Variants in VRK1 observed in about 807,000 individuals in gnomAD.
VRK1 encodes the protein VRK serine/threonine kinase 1, also known as serine/threonine-protein kinase VRK1.
In VRK1, 33 loss-of-function variants were observed where a neutral mutation model predicts 57.1. That is an observed-to-expected ratio of 0.58 (90% CI 0.44 to 0.77). The LOEUF (loss-of-function observed/expected upper bound fraction) is 0.77. VRK1 is among the 30% of genes least tolerant of loss of function. VRK1 has a pLI of 0.00. For missense variants in VRK1, 413 were observed against 477.3 expected (o/e 0.87, Z 1.25); for synonymous variants, 137 against 147.8 (o/e 0.93, Z 0.53).
intron 1 of VRK1, among the ~76,000 whole-genome samples, chr14:96,817,243 AT>A (rs1384708330): frequency 1.3e-5 from 2 of 151,912 alleles, no homozygotes; most frequent in African/African-American, 4.8e-5. Flanking sequence ...GCCTCTTCAT[AT>A]TCTTCCATTT....
chr14:96,865,576 A>G (rs1287948309), intron 11 of VRK1, among the ~76,000 whole-genome samples: 1 of 152,206 alleles, frequency 6.6e-6, no homozygotes, highest in East Asian at 1.9e-4. Flanking sequence ...GATTTTGACT[A>G]AAGTTGACTT....
At chr14:96,869,791 C>T (rs1888742078) in intron 11 of VRK1, among the ~76,000 whole-genome samples, 2 of 151,818 alleles carry the variant, frequency 1.3e-5, no homozygotes, top group East Asian at 1.9e-4. Flanking sequence ...TTTCTGCCTG[C>T]GTGTTTAGGA....
intron 10 of VRK1, 45 bp from the exon 11 acceptor site, chr14:96,860,508 TAGAG>T (rs746170419): frequency 3.1e-5 from 48 of 1,543,166 alleles, no homozygotes; most frequent in Non-Finnish European, 4.1e-5. Flanking sequence ...TTTTAGAGGT[TAGAG>T]AGAAATATAT....
At chr14:96,844,529 G>A (rs955182632) in intron 3 of VRK1, among the ~76,000 whole-genome samples, 18 of 152,042 alleles carry the variant, frequency 1.2e-4, no homozygotes, top group African/African-American at 3.9e-4. Context: ...TGGCTAATCC[G>A]TTTTCCTCTA....
At chr14:96,827,727 A>T (rs907066186) in intron 1 of VRK1, among the ~76,000 whole-genome samples, 1 of 152,116 alleles carries the variant, frequency 6.6e-6, no homozygotes, top group Non-Finnish European at 1.5e-5. Flanking sequence ...TTACAAATTA[A>T]TAATTTTTTA....
intron 1 of VRK1, among the ~76,000 whole-genome samples, chr14:96,815,115 C>A (rs1415055824): frequency 6.6e-6 from 1 of 152,214 alleles, no homozygotes; most frequent in Non-Finnish European, 1.5e-5. Flanking sequence ...TTTCCTCATA[C>A]TCTTACCAAC....
rs1468106726 is a variant in VRK1, at chr14:96,870,563, A to G, written c.1069-5467A>G. Among the ~76,000 whole-genome samples the G allele has an allele frequency of 3.3e-5, 5 of 152,228 alleles. No individual in the cohort carries two copies. In the East Asian group the frequency reaches 9.6e-4, roughly 29 times the overall value. On this transcript the variant is annotated intron_variant, in intron 11 of 12. Transcript: ENST00000216639. ...CTCTGGAAACAGCTTTCGTCTTGTT[A>G]ACTGACTATACGTTTGATCATATTA... is the stretch of plus-strand genomic sequence containing the variant.
chr14:96,855,961 T>G (rs1358681416), intron 8 of VRK1, among the ~76,000 whole-genome samples, 169 bp from the exon 9 acceptor site: 1 of 152,228 alleles, frequency 6.6e-6, no homozygotes, highest in East Asian at 1.9e-4. Context: ...GGTAAGCTAT[T>G]TCTTTTATAC....
intron 11 of VRK1, among the ~76,000 whole-genome samples, chr14:96,862,512 T>C (rs1381349537): frequency 9.9e-5 from 2 of 20,204 alleles, no homozygotes; most frequent in African/African-American, 4.1e-4. Flanking sequence ...TTTTGTTAGC[T>C]TTTTTTTTTT....
intron 1 of VRK1, among the ~76,000 whole-genome samples, chr14:96,799,508 TTA>T (rs1159153503): frequency 6.6e-6 from 1 of 152,244 alleles, no homozygotes; most frequent in East Asian, 1.9e-4. Flanking sequence ...AAATAAAACT[TTA>T]AAAATATTTT....
chr14:96,819,370 A>G (rs1886510880), intron 1 of VRK1, among the ~76,000 whole-genome samples: 1 of 152,216 alleles, frequency 6.6e-6, no homozygotes, highest in Non-Finnish European at 1.5e-5. Context: ...GTGAAAATGA[A>G]TGACTTAATG....
At chr14:96,807,705 CT>C (rs1885936794) in intron 1 of VRK1, among the ~76,000 whole-genome samples, 1 of 152,118 alleles carries the variant, frequency 6.6e-6, no homozygotes, top group Admixed American at 6.5e-5. Flanking sequence ...TAAGCTATGT[CT>C]TTTCATCCTG....
chr14:96,879,597 G>A (rs932945199), intron 12 of VRK1, among the ~76,000 whole-genome samples: 1 of 151,982 alleles, frequency 6.6e-6, no homozygotes, highest in East Asian at 1.9e-4. Context: ...TCTCACTATC[G>A]CAGCATTTTC....
At chr14:96,805,399 G>A (rs1198198366) in intron 1 of VRK1, among the ~76,000 whole-genome samples, 2 of 152,150 alleles carry the variant, frequency 1.3e-5, no homozygotes, top group African/African-American at 4.8e-5. Context: ...AAAGATAACA[G>A]ATCTATGTTT....
chr14:96,803,186 T>TTC (rs1173847962), intron 1 of VRK1, among the ~76,000 whole-genome samples: 5 of 147,078 alleles, frequency 3.4e-5, no homozygotes, highest in Non-Finnish European at 3.0e-5. Flanking sequence ...TTTTTTTTTT[T>TTC]TTGAGGCAGG....
intron 4 of VRK1, 50 bp from the exon 5 acceptor site, chr14:96,847,207 A>G: frequency 6.7e-7 from 1 of 1,493,750 alleles, no homozygotes; most frequent in Non-Finnish European, 9.3e-7. Context: ...TTAAAAAATT[A>G]TCATTTATGT....
intron 3 of VRK1, among the ~76,000 whole-genome samples, chr14:96,844,833 C>T (rs1199364791): frequency 6.6e-6 from 1 of 152,190 alleles, no homozygotes; most frequent in Non-Finnish European, 1.5e-5. Context: ...AGGCATGAGC[C>T]ACTATGCCAG....
At chr14:96,841,557 T>TA (rs1479950716) in intron 3 of VRK1, among the ~76,000 whole-genome samples, 6 of 152,164 alleles carry the variant, frequency 3.9e-5, no homozygotes, top group Non-Finnish European at 8.8e-5. Flanking sequence ...AAGAATGTCA[T>TA]AAACAAAACA....
intron 11 of VRK1, among the ~76,000 whole-genome samples, chr14:96,866,032 C>T (rs1370388982): frequency 6.6e-6 from 1 of 151,972 alleles, no homozygotes; most frequent in Admixed American, 6.6e-5. Flanking sequence ...TGTTTTCTTT[C>T]AGAGGTGGAG....
Sources: allele counts gnomAD v4.1 joint callset (sites outside exome capture counted in the v4.1 genomes callset), GRCh38; gene constraint gnomAD v4.1.1; transcripts MANE v1.5; gene names NCBI Gene and HGNC (gene_info 2026-07-23, HGNC 2026-07-21).